The following SS18L1 variants were observed in gnomAD, a reference collection of about 807,000 sequenced individuals.
The protein encoded by SS18L1 is SS18L1 subunit of BAF chromatin remodeling complex.
In SS18L1, 32 loss-of-function variants were observed where a neutral mutation model predicts 70.3. That is an observed-to-expected ratio of 0.46 (90% CI 0.34 to 0.61). The LOEUF is 0.61. SS18L1 is among the 20% of genes least tolerant of loss of function. The pLI is 0.01. For missense variants in SS18L1, 430 were observed against 542.1 expected (o/e 0.79, Z 2.05); for synonymous variants, 237 against 229.7 (o/e 1.03, Z -0.29).
intron 1 of SS18L1, among the ~76,000 whole-genome samples, chr20:62,146,604 C>CTTTTTTTTTTTTTTTTTTTTTTTTTTTT (rs1339898731): frequency 8.8e-5 from 3 of 34,158 alleles, no homozygotes; most frequent in African/African-American, 2.4e-4. Flanking sequence ...CTGCTTTGAT[C>CTTTTTTTTTTTTTTTTTTTTTTTTTTTT]ATTTTTTTTT....
At position 62,161,519 on chromosome 20, in the gene SS18L1, G is replaced by A. The variant is rs2057329502; in HGVS notation, c.315G>A (p.Leu105=). The A allele has an allele frequency of 1.9e-6, 3 of 1,612,628 alleles. No individual in the cohort carries two copies. Among genetic ancestry groups the A allele is most frequent in the Non-Finnish European group, 1.7e-6 (2 of 1,179,940 alleles). The change falls in exon 4 of 11, where the codon CTG becomes CTA. Residue 105 remains leucine (L), a synonymous_variant. Transcript: ENST00000331758. The surrounding 1 kb of genome is among the most constrained non-coding windows in gnomAD (Gnocchi z 4.4). ...AGGGCCTGCACTCTCAGGGCAGCCTGAGTGACGCCATCAGCACGGGCCTGC... is the reference window on the plus strand; with the variant it reads ...AGGGCCTGCACTCTCAGGGCAGCCTAAGTGACGCCATCAGCACGGGCCTGC... ...SSQGLHSQGS[L]SDAISTGLPP...
At position 62,143,838 on chromosome 20, in the gene SS18L1, G is replaced by A. The variant is rs781497833; in HGVS notation, c.18G>A (p.Ala6=). MSVAF[A]SARPRGKGEV... The stretch of plus-strand genomic sequence containing the variant: ...CCGCCACCATGTCCGTGGCCTTCGC[G>A]TCTGCCCGGCCAAGAGGCAAAGGGG... Residue 6 remains alanine (A), a synonymous_variant, in exon 1 of 11, where the codon GCG becomes GCA. Transcript: ENST00000331758. 1.3e-5 allele frequency: 18 copies of A among 1,333,588 alleles called. 1 individual carries two copies. The South Asian group carries it at 2.2e-4, about 16-fold the overall frequency. 82.6% of individuals were successfully genotyped at this position (1,333,588 alleles called of 1,614,324 possible).
At chr20:62,153,914 C>T (rs927226522) in intron 1 of SS18L1, among the ~76,000 whole-genome samples, 2 of 152,118 alleles carry the variant, frequency 1.3e-5, no homozygotes, top group Admixed American at 6.5e-5. Context: ...AGAATTCCCA[C>T]GCTCCCTTCA....
chr20:62,158,731 G>A lies in SS18L1; in HGVS notation c.129G>A (p.Lys43=). 1 of 1,612,970 alleles carries A rather than the reference G, an allele frequency of 6.2e-7. No individual in the cohort carries two copies. ...TCCTGGAGTACCAGAGCAAGGGCAAGACGGCCGAGTGCACGCAGTGAGTGC... is the reference window on the plus strand; with the variant it reads ...TCCTGGAGTACCAGAGCAAGGGCAAAACGGCCGAGTGCACGCAGTGAGTGC... ...QCILEYQSKG[K]TAECTQYQQI... The change falls in exon 2 of 11, where the codon AAG becomes AAA. Residue 43 remains lysine (K), a synonymous_variant. Coordinates refer to ENST00000331758, the MANE Select transcript of SS18L1 (RefSeq NM_198935.3). The surrounding 1 kb of genome is among the most constrained non-coding windows in gnomAD (Gnocchi z 4.5).
At chr20:62,148,953 C>A (rs2071589466) in intron 1 of SS18L1, among the ~76,000 whole-genome samples, 2 of 152,242 alleles carry the variant, frequency 1.3e-5, no homozygotes, top group Admixed American at 6.5e-5. Flanking sequence ...GAGTCTGGAG[C>A]CAGCAGCCAA....
intron 8 of SS18L1, 143 bp downstream of exon 8, chr20:62,165,657 T>C (rs2057416086): frequency 2.5e-6 from 2 of 797,780 alleles, no homozygotes; most frequent in Non-Finnish European, 4.0e-6. Flanking sequence ...AGAGACAGTG[T>C]GTTCTGGAAG....
intron 1 of SS18L1, among the ~76,000 whole-genome samples, chr20:62,156,981 C>T (rs2057234209): frequency 6.6e-6 from 1 of 152,248 alleles, no homozygotes; most frequent in Admixed American, 6.5e-5. Context: ...CTGTGCCTCC[C>T]TGCAGACAGA....
At chr20:62,146,335 T>C (rs1356631130) in intron 1 of SS18L1, among the ~76,000 whole-genome samples, 1 of 152,270 alleles carries the variant, frequency 6.6e-6, no homozygotes, top group Non-Finnish European at 1.5e-5. Context: ...CAGTTAGTGC[T>C]GAGCACGTGC....
At chr20:62,163,714 G>C in intron 6 of SS18L1, 92 bp downstream of exon 6, 1 of 1,428,336 alleles carries the variant, frequency 7.0e-7, no homozygotes, top group Non-Finnish European at 9.2e-7. Flanking sequence ...GGGAGCCTGG[G>C]GGAGTGAGGC....
Position 62,163,616 on chromosome 20 carries a change from C to T in SS18L1, c.715C>T (p.Gln239Ter). 6.3e-7 allele frequency: 1 copy of T among 1,590,610 alleles called. No individual in the cohort carries two copies. Among genetic ancestry groups the T allele is most frequent in the Non-Finnish European group, 8.5e-7 (1 of 1,171,774 alleles). ...GCCCATGGCGCCCTACCGGCCCTCCCAGCAAGGTAACGCCCGGCCGGGCCA... is the reference window on the plus strand; with the variant it reads ...GCCCATGGCGCCCTACCGGCCCTCCTAGCAAGGTAACGCCCGGCCGGGCCA... ...QRPMAPYRPS[Q>*]QGSSQQYLGQ... The change falls in exon 6 of 11, where the codon CAG becomes TAG. Residue 239 changes from glutamine (Q) to a stop codon, truncating the protein, a stop_gained. Coordinates refer to ENST00000331758, the MANE Select transcript of SS18L1 (RefSeq NM_198935.3). LOFTEE classifies it high-confidence loss of function.
intron 8 of SS18L1, among the ~76,000 whole-genome samples, chr20:62,167,753 C>T (rs1404361857): frequency 6.6e-6 from 1 of 152,184 alleles, no homozygotes; most frequent in Non-Finnish European, 1.5e-5. Flanking sequence ...AAGGCTGCCA[C>T]ACTTTGTCCC....
intron 5 of SS18L1, 46 bp from the exon 6 acceptor site, chr20:62,163,412 C>A: frequency 7.0e-7 from 1 of 1,421,162 alleles, no homozygotes; most frequent in Non-Finnish European, 9.6e-7. Flanking sequence ...GGAGGGAGGG[C>A]GGGAGGCTTC....
At position 62,159,163 on chromosome 20, in the gene SS18L1, C is replaced by G. The variant is rs1045418157; in HGVS notation, c.146+415C>G. 2.0e-5 allele frequency among the ~76,000 whole-genome samples: 3 copies of G among 152,214 alleles called. No individual in the cohort carries two copies. Among genetic ancestry groups the G allele is most frequent in the Admixed American group, 2.0e-4 (3 of 15,294 alleles). ...GCAGTGTGGGGAGGCCTGGGCCAGC[C>G]TCTCTGGGCAGCTCTGTGGCCAACA... On this transcript the variant is annotated intron_variant, in intron 2 of 10. Transcript: ENST00000331758. The surrounding 1 kb of genome is among the most constrained non-coding windows in gnomAD (Gnocchi z 4.4).
rs145914284 is a variant in SS18L1, at chr20:62,182,189, T to C, written c.*2981T>C. On this transcript the variant is annotated 3_prime_UTR_variant, in exon 11 of 11. Transcript: ENST00000331758. ...CTGAAAAGAAACCTTAATACGCTCATATGGTTGGAGTGTTAAGTGAACCTC... is the reference window on the plus strand; with the variant it reads ...CTGAAAAGAAACCTTAATACGCTCACATGGTTGGAGTGTTAAGTGAACCTC... 1.6e-4 allele frequency: 35 copies of C among 221,912 alleles called. No individual in the cohort carries two copies. Among genetic ancestry groups the C allele is most frequent in the African/African-American group, 7.2e-4 (32 of 44,736 alleles). The allele number at this position is 221,912 out of a possible 1,614,324, so 13.7% of individuals were successfully genotyped here.
intron 1 of SS18L1, among the ~76,000 whole-genome samples, chr20:62,152,192 G>A (rs1314022337): frequency 6.6e-6 from 1 of 152,174 alleles, no homozygotes; most frequent in African/African-American, 2.4e-5. Flanking sequence ...GCATTGAGCA[G>A]ATGCATGCCC....
At chr20:62,179,116 G>A in intron 10 of SS18L1, 66 bp from the exon 11 acceptor site, 1 of 1,579,714 alleles carries the variant, frequency 6.3e-7, no homozygotes, top group Non-Finnish European at 8.7e-7. Context: ...TCCGGGCTGG[G>A]GTGGACGTCT....
chr20:62,149,553 G>T (rs1311534687), intron 1 of SS18L1, among the ~76,000 whole-genome samples: 1 of 152,244 alleles, frequency 6.6e-6, no homozygotes, highest in East Asian at 1.9e-4. Flanking sequence ...GGGCAGGGTG[G>T]GGCAGGCCGG....
At chr20:62,175,592 TAGC>T (rs1470727675) in intron 10 of SS18L1, among the ~76,000 whole-genome samples, 13 of 152,094 alleles carry the variant, frequency 8.5e-5, no homozygotes, top group Admixed American at 7.2e-4. Context: ...AGAGAGTCCT[TAGC>T]AGGAAGTGGC....
chr20:62,172,183 C>A (rs2057543673), intron 8 of SS18L1, among the ~76,000 whole-genome samples: 2 of 151,278 alleles, frequency 1.3e-5, no homozygotes, highest in East Asian at 1.9e-4. Context: ...AAAAAATTAT[C>A]TGGGCACGCT....
Sources: allele counts gnomAD v4.1 joint callset (sites outside exome capture counted in the v4.1 genomes callset), GRCh38; gene constraint gnomAD v4.1.1; non-coding constraint Gnocchi (gnomAD v3.1); transcripts MANE v1.5; gene names NCBI Gene and HGNC (gene_info 2026-07-23, HGNC 2026-07-21).